Variants in GPHN observed in about 807,000 individuals in gnomAD.
GPHN encodes the protein gephyrin.
Under a neutral mutation model 95.5 loss-of-function variants are expected in GPHN, and 17 were observed. The ratio of observed to expected loss-of-function variants is 0.18; its 90% CI spans 0.12 to 0.27. The LOEUF is 0.27. Ranked by LOEUF, GPHN falls within the 10% of genes least tolerant of loss-of-function variation. The pLI is 1.00. For synonymous variants in GPHN, 320 were observed against 322.5 expected, an observed-to-expected ratio of 0.99 and a Z score of 0.08; for missense variants, 660 against 978.1, an observed-to-expected ratio of 0.67 and a Z score of 4.34.
intron 1 of GPHN, among the ~76,000 whole-genome samples, chr14:66,524,010 G>T (rs2058585365): frequency 6.6e-6 from 1 of 152,078 alleles, no homozygotes; most frequent in Non-Finnish European, 1.5e-5. Context: ...GTAACTAACA[G>T]CAAGAATTTG....
chr14:67,489,765 C>T, the GPHN span, among the ~76,000 whole-genome samples: 14 of 152,244 alleles, frequency 9.2e-5, no homozygotes, highest in South Asian at 8.3e-4. Context: ...CCGAGGCGGG[C>T]GGATCACGAG....
Position 67,013,531 on chromosome 14 carries a change from C to T in GPHN, c.964-10102C>T, listed in dbSNP as rs79923536. ...GATTAACAACATAATGTACGCCATA[C>T]ATAGCTGTAATACTAGGCATCAGAA... On this transcript the variant is annotated intron_variant, in intron 9 of 22. Coordinates refer to ENST00000478722, the MANE Select transcript of GPHN (RefSeq NM_020806.5). Among the ~76,000 whole-genome samples the T allele has an allele frequency of 9.3e-3, 1,419 of 152,140 alleles. 35 individuals carry two copies. The highest frequency in any genetic ancestry group is 0.032 in the African/African-American group (1,340 of 41,544).
intron 4 of GPHN, among the ~76,000 whole-genome samples, chr14:66,878,049 A>G (rs1362613457): frequency 6.6e-6 from 1 of 152,134 alleles, no homozygotes; most frequent in Non-Finnish European, 1.5e-5. Flanking sequence ...GGAACAGAAC[A>G]GAGGCCTCAG....
At chr14:66,939,857 C>T (rs746472925) in intron 8 of GPHN, among the ~76,000 whole-genome samples, 3 of 152,186 alleles carry the variant, frequency 2.0e-5, no homozygotes, top group South Asian at 2.1e-4. Flanking sequence ...AAGGGACCAT[C>T]GGCCAAGCCT....
At chr14:67,480,894 A>G in the GPHN span, among the ~76,000 whole-genome samples, 2 of 152,172 alleles carry the variant, frequency 1.3e-5, no homozygotes, top group Non-Finnish European at 2.9e-5. Flanking sequence ...CCCCAACCCC[A>G]GCAAGTAACT....
At chr14:67,590,249 ATTTTTTTTT>A in the GPHN span, 1 of 733,186 alleles carries the variant, frequency 1.4e-6, no homozygotes, top group Non-Finnish European at 1.9e-6. Flanking sequence ...CCACTTGCAA[ATTTTTTTTT>A]TTTTTTTTTT....
chr14:67,577,421 T>A, the GPHN span: 1 of 1,547,634 alleles, frequency 6.5e-7, no homozygotes, highest in Non-Finnish European at 8.8e-7. Context: ...CAAGGTAAAT[T>A]GGGGTGGCGG....
chr14:66,665,279 C>A (rs555618203), intron 1 of GPHN, among the ~76,000 whole-genome samples: 1 of 152,052 alleles, frequency 6.6e-6, no homozygotes, highest in Admixed American at 6.6e-5. Flanking sequence ...AAAGATAAAT[C>A]GAGCTTTATC....
At chr14:67,186,714 A>G (rs1317337278), downstream of GPHN, among the ~76,000 whole-genome samples, 3 of 152,244 alleles carry the variant, frequency 2.0e-5, no homozygotes, top group African/African-American at 7.2e-5. Flanking sequence ...CAGCAGGTCA[A>G]CTAGAGGGAA....
chr14:66,730,622 A>G lies in GPHN; in HGVS notation c.144-45842A>G, dbSNP rs141515819. ...AAAATAGTTATACATCGTTTTTTAA[A>G]CACTATGTTCAAGGCATCTTGATCT... On this transcript the variant is annotated intron_variant, in intron 2 of 22. Transcript: ENST00000478722. Among the ~76,000 whole-genome samples the G allele has an allele frequency of 7.1e-3, 1,082 of 152,296 alleles. 5 individuals carry two copies. Among genetic ancestry groups the G allele is most frequent in the South Asian group, 0.015 (71 of 4,832 alleles).
the GPHN span, among the ~76,000 whole-genome samples, chr14:67,732,235 C>T: frequency 7.8e-4 from 118 of 151,644 alleles, no homozygotes; most frequent in South Asian, 0.014. Flanking sequence ...TCGGGAATTC[C>T]ATACCAGCCT....
At chr14:67,602,865 C>T in the GPHN span, among the ~76,000 whole-genome samples, 311 of 152,228 alleles carry the variant, frequency 2.0e-3, no homozygotes, top group Non-Finnish European at 3.8e-3. Flanking sequence ...TAAAGAGAAA[C>T]ATATCACTGT....
At chr14:66,942,469 AT>A (rs1336841818) in intron 8 of GPHN, among the ~76,000 whole-genome samples, 4 of 152,252 alleles carry the variant, frequency 2.6e-5, no homozygotes, top group African/African-American at 9.6e-5. Context: ...ATTATAAACC[AT>A]CTTTTGAAAA....
intron 1 of GPHN, among the ~76,000 whole-genome samples, chr14:66,641,470 A>G (rs1050383337): frequency 4.6e-5 from 7 of 152,200 alleles, no homozygotes; most frequent in Non-Finnish European, 8.8e-5. Flanking sequence ...TTTTATAATA[A>G]TAAAAGGGTA....
chr14:66,878,460 GTC>G (rs1242663692), intron 4 of GPHN, among the ~76,000 whole-genome samples: 2 of 152,104 alleles, frequency 1.3e-5, no homozygotes, highest in South Asian at 2.1e-4. Flanking sequence ...TTTTTGCAAT[GTC>G]TCTGTCTGAC....
the GPHN span, chr14:67,225,114 C>A: frequency 6.4e-7 from 1 of 1,567,326 alleles, no homozygotes; most frequent in Admixed American, 1.9e-5. Context: ...TTTTTTCCCT[C>A]TAGTTCTCTC....
intron 1 of GPHN, among the ~76,000 whole-genome samples, chr14:66,676,672 ATTTTTT>A (rs56906168): frequency 7.9e-6 from 1 of 126,080 alleles, no homozygotes; most frequent in East Asian, 2.3e-4. Flanking sequence ...ATCGTAGTGT[ATTTTTT>A]TTTTTTTTTT....
rs1259866422 is a variant in GPHN, at chr14:66,996,214, C to CTGAGGTATA, written c.964-27417_964-27409dup. 7.9e-6 allele frequency: 12 copies of CTGAGGTATA among 1,525,962 alleles called. No individual in the cohort carries two copies. In the African/African-American group the frequency reaches 1.2e-4, roughly 16 times the overall value. 94.5% of individuals were successfully genotyped at this position (1,525,962 alleles called of 1,614,324 possible). A position where few individuals can be genotyped will look rare whatever the true frequency, so the allele number is the denominator to read the frequency against. ...TCGTGCTCATCTACCTATAGTGTAT[C>CTGAGGTATA]TGAGGTATATTTTGCACGTGTTTTC... is the stretch of plus-strand genomic sequence containing the variant. On this transcript the variant is annotated intron_variant, in intron 9 of 22. Transcript: ENST00000478722.
intron 11 of GPHN, among the ~76,000 whole-genome samples, chr14:67,070,237 A>T (rs1262883293): frequency 6.6e-6 from 1 of 151,748 alleles, no homozygotes; most frequent in Non-Finnish European, 1.5e-5. Flanking sequence ...TTCAAAATGT[A>T]TATCTTAATC....
Sources: gnomAD v4.1 joint callset for allele counts (sites outside exome capture counted in the v4.1 genomes callset) on GRCh38, gnomAD v4.1.1 for gene constraint, MANE v1.5 for transcripts, NCBI Gene and HGNC (gene_info 2026-07-23, HGNC 2026-07-21) for gene names.